Variants in BTBD8 observed in about 807,000 individuals in gnomAD.
The protein encoded by BTBD8 is BTB/POZ domain-containing protein 8.
A neutral mutation model predicts 162.9 loss-of-function variants in BTBD8; 110 were observed. That is an observed-to-expected ratio of 0.68 (90% CI 0.58 to 0.79). BTBD8 has a LOEUF of 0.79. Among genes scored for constraint, BTBD8 ranks in the 30% least tolerant of loss-of-function variants. The pLI is 0.00. For synonymous variants in BTBD8, 667 were observed against 716.1 expected, an observed-to-expected ratio of 0.93 and a Z score of 1.10; for missense variants, 1,905 against 2,085.4, an observed-to-expected ratio of 0.91 and a Z score of 1.68.
intron 2 of BTBD8, among the ~76,000 whole-genome samples, chr1:92,101,075 C>T (rs928904500): frequency 4.6e-5 from 7 of 152,164 alleles, no homozygotes; most frequent in African/African-American, 1.7e-4. Flanking sequence ...CCCTCATCCT[C>T]CTTCCACCGT....
chr1:92,157,439 G>A (rs1348143830), intron 9 of BTBD8, among the ~76,000 whole-genome samples: 1 of 152,042 alleles, frequency 6.6e-6, no homozygotes, highest in Non-Finnish European at 1.5e-5. Flanking sequence ...GGTGTATAGT[G>A]TTTTTGAAGT....
At chr1:92,096,258 C>G (rs1181804483) in intron 2 of BTBD8, among the ~76,000 whole-genome samples, 1 of 152,224 alleles carries the variant, frequency 6.6e-6, no homozygotes, top group Non-Finnish European at 1.5e-5. Flanking sequence ...CATGAACCAT[C>G]AAGCCCAGGC....
intron 5 of BTBD8, among the ~76,000 whole-genome samples, chr1:92,135,733 T>C (rs1421918437): frequency 1.3e-5 from 2 of 152,198 alleles, no homozygotes; most frequent in African/African-American, 4.8e-5. Flanking sequence ...ACCCTTTTTA[T>C]AGTATCATAT....
At chr1:92,101,331 C>G (rs185674333) in intron 2 of BTBD8, among the ~76,000 whole-genome samples, 172 of 152,326 alleles carry the variant, frequency 1.1e-3, no homozygotes, top group Non-Finnish European at 1.9e-3. Flanking sequence ...GTTGCTGGAC[C>G]TTAGCCATTT....
Position 92,181,356 on chromosome 1 carries a change from G to A in BTBD8, c.3673G>A (p.Glu1225Lys), listed in dbSNP as rs1557469242. Reference sequence around the variant, plus strand: ...AACATCAGAATCTCCAGAGAGCCATGAAACTCCAGAAACTCCATTTGTGGG... The same window carrying A: ...AACATCAGAATCTCCAGAGAGCCATAAAACTCCAGAAACTCCATTTGTGGG... Reference protein sequence around the residue: ...METSESPESHETPETPFVGHW... With the variant: ...METSESPESHKTPETPFVGHW... Residue 1225 changes from glutamate (E) to lysine (K), a missense_variant, in exon 17 of 18, where the codon GAA becomes AAA. Around this residue, in one of 3 missense-constraint regions of BTBD8, gnomAD observed 1,374 missense variants for 1,442.7 expected, o/e 0.95. Transcript: ENST00000636805. The A allele has an allele frequency of 6.4e-7, 1 of 1,551,632 alleles. No individual in the cohort carries two copies. The highest frequency in any genetic ancestry group is 2.0e-5 in the Admixed American group (1 of 50,994).
At chr1:92,151,115 G>T (rs1203339249) in intron 9 of BTBD8, among the ~76,000 whole-genome samples, 1 of 152,154 alleles carries the variant, frequency 6.6e-6, no homozygotes, top group Non-Finnish European at 1.5e-5. Flanking sequence ...CACTTTGGGA[G>T]GACGAGGTGT....
rs576016870 is a variant in BTBD8 at position 92,179,060 on chromosome 1, A to G, written c.2581+609A>G. ...CAGGAGTTCAAGACCAGCCTGACCA[A>G]TATGGTGAAACCCCATCTCTACTAA... On this transcript the variant is annotated intron_variant, in intron 16 of 17. Coordinates refer to ENST00000636805, the MANE Select transcript of BTBD8 (RefSeq NM_001376131.1). 2.6e-5 allele frequency among the ~76,000 whole-genome samples: 4 copies of G among 152,280 alleles called. No homozygotes were observed. The East Asian group carries it at 5.8e-4, about 22-fold the overall frequency.
At chr1:92,145,164 A>G (rs1176369196) in intron 7 of BTBD8, among the ~76,000 whole-genome samples, 1 of 152,132 alleles carries the variant, frequency 6.6e-6, no homozygotes, top group Non-Finnish European at 1.5e-5. Context: ...GGGTTTTGCC[A>G]TGTTGGCCAG....
At position 92,175,970 on chromosome 1, in the gene BTBD8, T is replaced by C. The variant is rs184570937; in HGVS notation, c.1636-859T>C. Among the ~76,000 whole-genome samples the C allele has an allele frequency of 1.1e-4, 17 of 152,316 alleles. No individual in the cohort carries two copies. The East Asian group carries it at 3.3e-3, about 29-fold the overall frequency. On this transcript the variant is annotated intron_variant, in intron 13 of 17. Coordinates refer to ENST00000636805, the MANE Select transcript of BTBD8 (RefSeq NM_001376131.1). Reference sequence around the variant, plus strand: ...CAGTGCCATTTTATTTGTCCCTTTTTAGCCTATTTCAGCTATTTTTAGGAT... The same window carrying C: ...CAGTGCCATTTTATTTGTCCCTTTTCAGCCTATTTCAGCTATTTTTAGGAT...
chr1:92,117,363 T>C (rs1649072179), intron 4 of BTBD8, among the ~76,000 whole-genome samples: 1 of 151,966 alleles, frequency 6.6e-6, no homozygotes, highest in African/African-American at 2.4e-5. Context: ...GGTTTTTTTT[T>C]TAGCAGGCAT....
At chr1:92,102,766 AT>A (rs547474408) in intron 3 of BTBD8, 97 bp downstream of exon 3, 6,333 of 1,057,868 alleles carry the variant, frequency 6.0e-3, no homozygotes, top group South Asian at 9.3e-3. Context: ...TGCTTTACTG[AT>A]TTTTTTTTTA....
intron 9 of BTBD8, among the ~76,000 whole-genome samples, chr1:92,154,740 GT>G (rs767920506): frequency 1.2e-4 from 19 of 152,056 alleles, no homozygotes; most frequent in Non-Finnish European, 2.5e-4. Flanking sequence ...TTTTTTCAAT[GT>G]CTTGTTTTCT....
chr1:92,126,297 G>A, intron 4 of BTBD8: 1 of 601,518 alleles, frequency 1.7e-6, no homozygotes, highest in Non-Finnish European at 3.2e-6. Flanking sequence ...TGATTATTTT[G>A]GTGAATTTGC....
chr1:92,158,780 G>GA lies in BTBD8; in HGVS notation c.1123-8168dup, dbSNP rs563706126. Among the ~76,000 whole-genome samples, 142 of 149,634 alleles carry GA rather than the reference G, an allele frequency of 9.5e-4. 1 individual carries two copies. Among genetic ancestry groups the GA allele is most frequent in the Middle Eastern group, 6.8e-3 (2 of 294 alleles). On this transcript the variant is annotated intron_variant, in intron 9 of 17. Transcript: ENST00000636805. ...AACCTAAAACCATGCTTAAAAAAAT[G>GA]AAAAAAAAAATTTAAGACAGGATCT...
intron 6 of BTBD8, among the ~76,000 whole-genome samples, chr1:92,140,594 T>G (rs755693600): frequency 1.3e-5 from 2 of 152,198 alleles, no homozygotes; most frequent in Non-Finnish European, 2.9e-5. Flanking sequence ...TTTCAAAGCT[T>G]GTAGGCTTCT....
intron 7 of BTBD8, among the ~76,000 whole-genome samples, chr1:92,142,121 T>C (rs1337218411): frequency 6.6e-6 from 1 of 152,128 alleles, no homozygotes; most frequent in African/African-American, 2.4e-5. Flanking sequence ...TACTGAGAAA[T>C]AGTTAACCCC....
At chr1:92,169,033 G>C in intron 12 of BTBD8, 38 bp downstream of exon 12, 1 of 1,471,834 alleles carries the variant, frequency 6.8e-7, no homozygotes, top group Non-Finnish European at 9.2e-7. Flanking sequence ...CTTATGTAAT[G>C]ATCATTGTGA....
rs558158214 is a variant in BTBD8 at position 92,123,998 on chromosome 1, G to T, written c.663-5689G>T. 2.3e-4 allele frequency among the ~76,000 whole-genome samples: 35 copies of T among 152,106 alleles called. 1 individual carries two copies. Among genetic ancestry groups the T allele is most frequent in the Admixed American group, 2.0e-3 (31 of 15,258 alleles). On this transcript the variant is annotated intron_variant, in intron 4 of 17. Transcript: ENST00000636805. ...TTCTGTTTAGAATGTGGCCGTTCGG[G>T]ATCCAACTGAAATCCTGGGTTATCT...
chr1:92,083,435 G>A (rs1570709835), intron 1 of BTBD8, among the ~76,000 whole-genome samples: 4 of 152,088 alleles, frequency 2.6e-5, no homozygotes, highest in Admixed American at 2.0e-4. Context: ...ATTGGCCAGT[G>A]GCTAACCTTG....
Sources: gnomAD v4.1 joint callset for allele counts (sites outside exome capture counted in the v4.1 genomes callset) on GRCh38, gnomAD v4.1.1 for gene constraint, gnomAD v4.1.1 regional missense constraint, MANE v1.5 for transcripts, NCBI Gene and HGNC (gene_info 2026-07-23, HGNC 2026-07-21) for gene names.